Variants in LAMA2 observed in about 807,000 individuals in gnomAD.
The protein encoded by LAMA2 is laminin subunit alpha 2.
LAMA2 carries 269 observed loss-of-function variants against 364.8 expected under a neutral mutation model. The ratio of observed to expected loss-of-function variants is 0.74; its 90% confidence interval spans 0.67 to 0.82. LAMA2 has a LOEUF of 0.82. LAMA2 is among the 40% of genes least tolerant of loss of function. LAMA2 has a pLI of 0.00. For synonymous variants in LAMA2, 1,379 were observed against 1,370.6 expected, an observed-to-expected ratio of 1.01 and a Z score of -0.14; for missense variants, 3,807 against 3,873.2, an observed-to-expected ratio of 0.98 and a Z score of 0.45.
chr6:129,177,299 G>A (rs578230031), intron 9 of LAMA2, among the ~76,000 whole-genome samples: 264 of 152,224 alleles, frequency 1.7e-3, no homozygotes, highest in Middle Eastern at 3.4e-3. Flanking sequence ...AGGCTACTTT[G>A]CACCTGTAAT....
intron 12 of LAMA2, among the ~76,000 whole-genome samples, chr6:129,232,295 A>G (rs545166701): frequency 6.6e-6 from 1 of 152,296 alleles, no homozygotes; most frequent in South Asian, 2.1e-4. Flanking sequence ...TCCTGCTTAA[A>G]TGACATTACA....
rs555155229 is a variant in LAMA2, at chr6:129,095,237, T to G, written c.397-2936T>G. Among the ~76,000 whole-genome samples, 9 of 152,336 alleles carry G rather than the reference T, an allele frequency of 5.9e-5. No homozygotes were observed. The South Asian group carries it at 8.3e-4, about 14-fold the overall frequency. ...TTGCCATGAAATATCTCACTTTTATTATTATTTTTGCATAGGTCTAGCATA... is the reference window on the plus strand; with the variant it reads ...TTGCCATGAAATATCTCACTTTTATGATTATTTTTGCATAGGTCTAGCATA... On this transcript the variant is annotated intron_variant, in intron 3 of 64. Coordinates refer to ENST00000421865, the MANE Select transcript of LAMA2 (RefSeq NM_000426.4).
chr6:129,492,216 G>C, intron 57 of LAMA2, 99 bp from the exon 58 acceptor site: 1 of 1,436,396 alleles, frequency 7.0e-7, no homozygotes, highest in Non-Finnish European at 9.8e-7. Context: ...ACTGAGAAAA[G>C]CACACTAATG....
chr6:129,287,379 AATTCTGAACTCTT>A (rs1789342733), intron 18 of LAMA2, among the ~76,000 whole-genome samples: 1 of 152,156 alleles, frequency 6.6e-6, no homozygotes, highest in South Asian at 2.1e-4. Flanking sequence ...CTAGTTAATA[AATTCTGAACTCTT>A]ATTACTGAAT....
chr6:129,225,205 C>T (rs1221585250), intron 12 of LAMA2, among the ~76,000 whole-genome samples: 1 of 152,026 alleles, frequency 6.6e-6, no homozygotes, highest in Non-Finnish European at 1.5e-5. Flanking sequence ...TTTATTGCAT[C>T]TATTTGATTC....
At position 129,049,947 on chromosome 6, in the gene LAMA2, T is replaced by C. The variant is rs755805262; in HGVS notation, c.142T>C (p.Ser48Pro). 14 of 1,613,970 alleles carry C rather than the reference T, an allele frequency of 8.7e-6. 1 individual carries two copies. In the South Asian group the frequency reaches 1.5e-4, roughly 18 times the overall value. The change falls in exon 2 of 65, where the codon TCT becomes CCT. Residue 48 changes from serine (S) to proline (P), a missense_variant. By Grantham distance (74) the Ser-to-Pro change is moderately conservative. This residue lies in a region of LAMA2 where 394 missense variants were observed against 403.5 expected (regional missense o/e 0.98). Coordinates refer to ENST00000421865, the MANE Select transcript of LAMA2 (RefSeq NM_000426.4). ...ATTCCCTGCTGTCCTGAATCTTGCTTCTAATGCTCTTATCACGACCAATGC... is the reference window on the plus strand; with the variant it reads ...ATTCCCTGCTGTCCTGAATCTTGCTCCTAATGCTCTTATCACGACCAATGC... ...GLFPAVLNLA[S>P]NALITTNATC...
At chr6:129,129,725 C>G (rs1328271946) in intron 4 of LAMA2, among the ~76,000 whole-genome samples, 4 of 151,722 alleles carry the variant, frequency 2.6e-5, no homozygotes, top group Non-Finnish European at 4.4e-5. Context: ...GAGATCGAGA[C>G]CATCCCGGCT....
Position 129,300,848 on chromosome 6 carries a change from C to T in LAMA2, c.3150C>T (p.Gly1050=), listed in dbSNP as rs1360009190. The change falls in exon 22 of 65, where the codon GGC becomes GGT. Residue 1050 remains glycine (G), a synonymous_variant. Transcript: ENST00000421865. The part of the protein sequence containing the change: ...KCSKCAPNTW[G]HSITTGCKAC... ...CTAAATGTGCACCCAATACCTGGGG[C>T]CACAGCATTACCACTGGTTGTAAGG... 3 of 1,613,762 alleles carry T rather than the reference C, an allele frequency of 1.9e-6. No individual in the cohort carries two copies. In the South Asian group the frequency reaches 3.3e-5, roughly 18 times the overall value.
At chr6:129,189,061 A>G (rs2115031979) in intron 10 of LAMA2, among the ~76,000 whole-genome samples, 1 of 152,152 alleles carries the variant, frequency 6.6e-6, no homozygotes, top group Middle Eastern at 3.4e-3. Context: ...TGTACCAGGA[A>G]CCATGTTATT....
chr6:129,248,562 T>G (rs1019050056), intron 12 of LAMA2, among the ~76,000 whole-genome samples: 38 of 152,246 alleles, frequency 2.5e-4, no homozygotes, highest in African/African-American at 8.7e-4. Context: ...TCAAGAAAAA[T>G]AGCATGTAAT....
chr6:129,015,683 A>G (rs1436103499), intron 1 of LAMA2, among the ~76,000 whole-genome samples: 1 of 152,088 alleles, frequency 6.6e-6, no homozygotes, highest in African/African-American at 2.4e-5. Flanking sequence ...TTCCTAAACA[A>G]AGAATTTCTT....
At chr6:129,034,365 T>C (rs948841317) in intron 1 of LAMA2, among the ~76,000 whole-genome samples, 13 of 152,168 alleles carry the variant, frequency 8.5e-5, no homozygotes, top group Admixed American at 5.2e-4. Flanking sequence ...AACACATTAT[T>C]TGAAGTCACT....
intron 32 of LAMA2, among the ~76,000 whole-genome samples, chr6:129,360,359 T>C (rs1777392144): frequency 6.6e-6 from 1 of 152,190 alleles, no homozygotes; most frequent in Admixed American, 6.5e-5. Flanking sequence ...TTTGGACTTT[T>C]TGAGGGCAAA....
intron 51 of LAMA2, among the ~76,000 whole-genome samples, chr6:129,468,751 A>G: frequency 6.6e-6 from 1 of 151,998 alleles, no homozygotes; most frequent in South Asian, 2.1e-4. Flanking sequence ...TAGCTCTTAC[A>G]GGACACATTT....
intron 14 of LAMA2, among the ~76,000 whole-genome samples, chr6:129,255,507 A>C (rs1367803841): frequency 2.0e-5 from 3 of 150,816 alleles, no homozygotes; most frequent in African/African-American, 7.3e-5. Flanking sequence ...AGGATTTTAC[A>C]TGAGTAAGCC....
At chr6:129,314,821 A>T (rs377678712) in intron 24 of LAMA2, 23 bp downstream of exon 24, 1 of 1,613,494 alleles carries the variant, frequency 6.2e-7, no homozygotes, top group South Asian at 1.1e-5. Flanking sequence ...CTGCTGAGCC[A>T]TGTAATGGTA....
Position 129,165,695 on chromosome 6 carries a change from G to C in LAMA2, c.1306+20G>C, listed in dbSNP as rs1207653206. 1 of 1,447,184 alleles carries C rather than the reference G, an allele frequency of 6.9e-7. No individual in the cohort carries two copies. The highest frequency in any genetic ancestry group is 1.7e-5 in the Admixed American group (1 of 59,352). 89.6% of individuals were successfully genotyped at this position (1,447,184 alleles called of 1,614,324 possible). A position where few individuals can be genotyped will look rare whatever the true frequency, so the allele number is the denominator to read the frequency against. ...GACGAGGTGAGAGCTGCAGCAGAAT[G>C]TCACTGCTCTGATAAAAGGACAACT... On this transcript the variant is annotated intron_variant, in intron 9 of 64. Coordinates refer to ENST00000421865, the MANE Select transcript of LAMA2 (RefSeq NM_000426.4).
intron 1 of LAMA2, among the ~76,000 whole-genome samples, chr6:128,958,772 A>G (rs1781300840): frequency 6.6e-6 from 1 of 152,164 alleles, no homozygotes; most frequent in East Asian, 1.9e-4. Context: ...GCTCATAACA[A>G]AAAGTTGCAA....
At chr6:128,974,503 T>G (rs2114624023) in intron 1 of LAMA2, among the ~76,000 whole-genome samples, 1 of 152,308 alleles carries the variant, frequency 6.6e-6, no homozygotes, top group Middle Eastern at 3.4e-3. Context: ...AAGGAGTATA[T>G]AATAAGGAAA....
Sources: allele counts gnomAD v4.1 joint callset (sites outside exome capture counted in the v4.1 genomes callset), GRCh38; gene constraint gnomAD v4.1.1; regional missense constraint gnomAD v4.1.1; transcripts MANE v1.5; gene names NCBI Gene and HGNC (gene_info 2026-07-23, HGNC 2026-07-21).